Variants in CPNE5 observed in about 807,000 individuals in gnomAD.
CPNE5 encodes copine-5.
In CPNE5, 42 loss-of-function variants were observed where a neutral mutation model predicts 81.1. The ratio of observed to expected loss-of-function variants is 0.52; its 90% confidence interval spans 0.40 to 0.67. The LOEUF (loss-of-function observed/expected upper bound fraction) is 0.67, where lower values mean the gene tolerates loss of function less well. Ranked by LOEUF, CPNE5 falls within the 30% of genes least tolerant of loss-of-function variation. The pLI is 0.00. For missense variants in CPNE5, 612 were observed against 815.5 expected (o/e 0.75, Z 3.04); for synonymous variants, 313 against 321.5 (o/e 0.97, Z 0.28).
chr6:36,805,719 T>C (rs1167510466), intron 3 of CPNE5, among the ~76,000 whole-genome samples: 1 of 151,998 alleles, frequency 6.6e-6, no homozygotes, highest in East Asian at 1.9e-4. Flanking sequence ...AGCCTGGAAA[T>C]GAGGGAATTT....
intron 10 of CPNE5, among the ~76,000 whole-genome samples, chr6:36,771,959 G>A (rs562692630): frequency 2.6e-4 from 40 of 152,186 alleles, no homozygotes; most frequent in Non-Finnish European, 5.1e-4. Context: ...ATCCTGCAGC[G>A]AGATGAGGCT....
intron 10 of CPNE5, among the ~76,000 whole-genome samples, chr6:36,774,414 C>G (rs1235006326): frequency 1.3e-5 from 2 of 152,142 alleles, no homozygotes; most frequent in African/African-American, 2.4e-5. Context: ...ATCCCAGAAG[C>G]TCTTTGCACT....
At chr6:36,765,240 G>T in intron 11 of CPNE5, 95 bp downstream of exon 11, 1 of 1,393,830 alleles carries the variant, frequency 7.2e-7, no homozygotes, top group South Asian at 1.2e-5. Context: ...CCACTGCGGG[G>T]GGGAGCCTGG....
chr6:36,819,392 G>A (rs1475411957), intron 3 of CPNE5, among the ~76,000 whole-genome samples: 6 of 152,192 alleles, frequency 3.9e-5, no homozygotes, highest in Non-Finnish European at 5.9e-5. Flanking sequence ...GAGCCACGGC[G>A]TCTGGCCCCC....
chr6:36,752,952 TG>T, intron 14 of CPNE5, 81 bp downstream of exon 14: 1 of 1,167,514 alleles, frequency 8.6e-7, no homozygotes. Context: ...GAGGCCAGGG[TG>T]GGGCCAGAGC....
chr6:36,787,069 C>G (rs1296691566), intron 8 of CPNE5, among the ~76,000 whole-genome samples: 1 of 152,102 alleles, frequency 6.6e-6, no homozygotes, highest in Admixed American at 6.5e-5. Flanking sequence ...ATGCTCATAT[C>G]GGTCTCAGCC....
chr6:36,816,636 T>C (rs1177610298), intron 3 of CPNE5, among the ~76,000 whole-genome samples: 1 of 152,244 alleles, frequency 6.6e-6, no homozygotes, highest in Non-Finnish European at 1.5e-5. Flanking sequence ...TCCTGTTTAC[T>C]TGCAAGGGCA....
At chr6:36,791,088 T>C (rs1769052837) in intron 8 of CPNE5, among the ~76,000 whole-genome samples, 1 of 152,152 alleles carries the variant, frequency 6.6e-6, no homozygotes, top group East Asian at 1.9e-4. Context: ...AGCCCAGGCT[T>C]TGTTTACACT....
chr6:36,776,216 C>G (rs558756626), intron 9 of CPNE5, among the ~76,000 whole-genome samples: 1 of 152,334 alleles, frequency 6.6e-6, no homozygotes, highest in South Asian at 2.1e-4. Flanking sequence ...TCCCACAACC[C>G]GCCCCAGCTA....
At chr6:36,751,564 C>T (rs1448663618) in intron 14 of CPNE5, among the ~76,000 whole-genome samples, 10 of 152,158 alleles carry the variant, frequency 6.6e-5, no homozygotes, top group South Asian at 2.1e-4. Context: ...CCGAGGCAGG[C>T]GAATCACCTG....
intron 1 of CPNE5, among the ~76,000 whole-genome samples, chr6:36,833,576 G>T (rs1773152167): frequency 6.6e-6 from 1 of 152,246 alleles, no homozygotes; most frequent in South Asian, 2.1e-4. Flanking sequence ...CTGTGAGGGG[G>T]CCATGTGGCA....
intron 10 of CPNE5, among the ~76,000 whole-genome samples, chr6:36,774,516 C>T (rs1582832993): frequency 6.6e-6 from 1 of 152,208 alleles, no homozygotes; most frequent in Admixed American, 6.5e-5. Context: ...GGACCAGCTG[C>T]CTCTGCCTGC....
At chr6:36,785,968 G>A (rs1273932558) in intron 8 of CPNE5, among the ~76,000 whole-genome samples, 13 of 143,034 alleles carry the variant, frequency 9.1e-5, no homozygotes, top group East Asian at 6.3e-4. Flanking sequence ...AGCCGAGACC[G>A]TGGCACTGCA....
intron 9 of CPNE5, among the ~76,000 whole-genome samples, chr6:36,777,294 G>A (rs62406624): frequency 0.11 from 16,166 of 151,762 alleles, 907 homozygotes; most frequent in South Asian, 0.16. Flanking sequence ...GCTCCAGGGT[G>A]GGAGCTGGTA....
At chr6:36,817,179 GC>G (rs973248229) in intron 3 of CPNE5, among the ~76,000 whole-genome samples, 2 of 152,158 alleles carry the variant, frequency 1.3e-5, no homozygotes, top group Admixed American at 1.3e-4. Context: ...TACAAAATTA[GC>G]TGGGCGTGGT....
intron 2 of CPNE5, 126 bp downstream of exon 2, chr6:36,822,932 G>C (rs1366324404): frequency 1.4e-6 from 1 of 734,696 alleles, no homozygotes; most frequent in Non-Finnish European, 2.1e-6. Context: ...CATTAAACAG[G>C]CTTGACACAC....
intron 3 of CPNE5, among the ~76,000 whole-genome samples, chr6:36,814,775 G>A (rs924615691): frequency 6.6e-6 from 1 of 152,156 alleles, no homozygotes; most frequent in Non-Finnish European, 1.5e-5. Context: ...AAAAGCTTCA[G>A]TTTCCTCCTC....
intron 11 of CPNE5, among the ~76,000 whole-genome samples, chr6:36,763,923 C>T (rs1395720905): frequency 6.6e-6 from 1 of 152,184 alleles, no homozygotes; most frequent in East Asian, 1.9e-4. Context: ...GGAGTGCTTA[C>T]ATCAAGCACG....
At chr6:36,806,440 C>A (rs1245293225) in intron 3 of CPNE5, among the ~76,000 whole-genome samples, 2 of 152,116 alleles carry the variant, frequency 1.3e-5, no homozygotes, top group Non-Finnish European at 2.9e-5. Flanking sequence ...CCCCACCAGG[C>A]AGGCCCTCCA....
Sources: gnomAD v4.1 joint callset for allele counts (sites outside exome capture counted in the v4.1 genomes callset) on GRCh38, gnomAD v4.1.1 for gene constraint, MANE v1.5 for transcripts, NCBI Gene and HGNC (gene_info 2026-07-23, HGNC 2026-07-21) for gene names.